SLC24A3: variants seen among roughly 807,000 people sequenced by gnomAD.
SLC24A3 encodes sodium/potassium/calcium exchanger 3.
A neutral mutation model predicts 75.8 loss-of-function variants in SLC24A3; 28 were observed. That is an observed-to-expected ratio of 0.37 (90% CI 0.27 to 0.51). The LOEUF (loss-of-function observed/expected upper bound fraction) is 0.51, where lower values mean the gene tolerates loss of function less well. Among genes scored for constraint, SLC24A3 ranks in the 20% least tolerant of loss-of-function variants. SLC24A3 has a pLI of 0.94. For missense variants in SLC24A3, 663 were observed against 847.8 expected (o/e 0.78, Z 2.71); for synonymous variants, 372 against 334.1 (o/e 1.11, Z -1.24).
chr20:19,487,734 A>T (rs1321840848), intron 2 of SLC24A3, among the ~76,000 whole-genome samples: 3 of 152,338 alleles, frequency 2.0e-5, no homozygotes, highest in Middle Eastern at 3.4e-3. Flanking sequence ...TCTGTATGCC[A>T]CGCTAATATC....
rs545248950 is a variant in SLC24A3, at chr20:19,510,993, G to T, written c.272-4495G>T. On this transcript the variant is annotated intron_variant, in intron 2 of 16. Transcript: ENST00000328041. ...TGCAGGGCTGAGCAGAAGTGTTGAA[G>T]GGTCAGTGCCTTTGGGACAGCCCTA... is the stretch of plus-strand genomic sequence containing the variant. Among the ~76,000 whole-genome samples the T allele has an allele frequency of 2.3e-4, 35 of 152,314 alleles. No individual in the cohort carries two copies. In the East Asian group the frequency reaches 6.6e-3, roughly 29 times the overall value.
chr20:19,468,087 G>A (rs1265287556), intron 2 of SLC24A3, among the ~76,000 whole-genome samples: 1 of 152,068 alleles, frequency 6.6e-6, no homozygotes, highest in Non-Finnish European at 1.5e-5. Context: ...AGTCTTAGAG[G>A]GAAGTTTTAG....
At chr20:19,224,230 A>G (rs1981815244) in intron 1 of SLC24A3, among the ~76,000 whole-genome samples, 1 of 152,174 alleles carries the variant, frequency 6.6e-6, no homozygotes, top group African/African-American at 2.4e-5. Flanking sequence ...TACAGATCCA[A>G]CACCACAAGG....
At chr20:19,236,801 C>G (rs568214954) in intron 1 of SLC24A3, among the ~76,000 whole-genome samples, 2 of 152,210 alleles carry the variant, frequency 1.3e-5, no homozygotes, top group East Asian at 3.9e-4. Context: ...TTAACATGAG[C>G]ACCAAGGGCA....
chr20:19,279,860 C>T (rs1045053466), intron 1 of SLC24A3, among the ~76,000 whole-genome samples: 1 of 152,220 alleles, frequency 6.6e-6, no homozygotes, highest in Non-Finnish European at 1.5e-5. Flanking sequence ...AGAAGCTGCA[C>T]TGTGCCAGCT....
At chr20:19,659,637 G>C (rs915415469) in intron 7 of SLC24A3, among the ~76,000 whole-genome samples, 3 of 152,224 alleles carry the variant, frequency 2.0e-5, no homozygotes, top group African/African-American at 4.8e-5. Flanking sequence ...CCACGTTAGA[G>C]ATGGCATCAC....
intron 2 of SLC24A3, among the ~76,000 whole-genome samples, chr20:19,338,095 C>T (rs1025647898): frequency 6.6e-6 from 1 of 152,184 alleles, no homozygotes; most frequent in African/African-American, 2.4e-5. Flanking sequence ...TTGTAATTAT[C>T]TATCACATTG....
chr20:19,305,733 C>A (rs1257876995), intron 2 of SLC24A3, among the ~76,000 whole-genome samples: 3 of 152,224 alleles, frequency 2.0e-5, no homozygotes, highest in African/African-American at 7.2e-5. Flanking sequence ...CCCATTCTTT[C>A]ACCATATACA....
intron 2 of SLC24A3, among the ~76,000 whole-genome samples, chr20:19,406,783 G>A (rs1396327529): frequency 6.6e-6 from 1 of 152,162 alleles, no homozygotes; most frequent in Non-Finnish European, 1.5e-5. Flanking sequence ...ATGAGACAGT[G>A]CCATGACCTT....
intron 6 of SLC24A3, among the ~76,000 whole-genome samples, chr20:19,634,500 C>A (rs1008860074): frequency 1.1e-4 from 16 of 152,204 alleles, no homozygotes; most frequent in Admixed American, 1.0e-3. Flanking sequence ...AATAATAATA[C>A]CTCAAAACCA....
At chr20:19,317,849 T>C in intron 2 of SLC24A3, among the ~76,000 whole-genome samples, 1 of 152,212 alleles carries the variant, frequency 6.6e-6, no homozygotes, top group East Asian at 1.9e-4. Context: ...GCTGGTATAG[T>C]AATAGCTGCA....
chr20:19,488,729 G>A (rs1321779909), intron 2 of SLC24A3, among the ~76,000 whole-genome samples: 1 of 152,138 alleles, frequency 6.6e-6, no homozygotes, highest in Non-Finnish European at 1.5e-5. Flanking sequence ...TACGTAATGA[G>A]ATATCTTGTG....
At chr20:19,459,034 A>C (rs1987626566) in intron 2 of SLC24A3, among the ~76,000 whole-genome samples, 1 of 152,170 alleles carries the variant, frequency 6.6e-6, no homozygotes, top group Admixed American at 6.5e-5. Flanking sequence ...TCCCCCCTCC[A>C]ACATGAGCCC....
At chr20:19,293,580 C>T (rs1037855239) in intron 2 of SLC24A3, among the ~76,000 whole-genome samples, 11 of 148,198 alleles carry the variant, frequency 7.4e-5, no homozygotes, top group Middle Eastern at 3.6e-3. Context: ...CACTTGAACC[C>T]GGGAGATGGA....
At chr20:19,344,749 T>C (rs1033327916) in intron 2 of SLC24A3, among the ~76,000 whole-genome samples, 1 of 152,196 alleles carries the variant, frequency 6.6e-6, no homozygotes, top group African/African-American at 2.4e-5. Context: ...CCAGCACTCC[T>C]GGCTTCTCCA....
intron 2 of SLC24A3, among the ~76,000 whole-genome samples, chr20:19,408,927 T>C (rs1986698288): frequency 1.3e-5 from 2 of 152,300 alleles, no homozygotes; most frequent in Middle Eastern, 3.4e-3. Context: ...TCGGGAAACA[T>C]TTATTGAGCT....
chr20:19,635,018 A>G (rs1189975543), intron 6 of SLC24A3, among the ~76,000 whole-genome samples: 2 of 152,218 alleles, frequency 1.3e-5, no homozygotes, highest in South Asian at 2.1e-4. Flanking sequence ...ATGCTATGTC[A>G]TAGACACAGC....
intron 4 of SLC24A3, 84 bp downstream of exon 4, chr20:19,580,158 G>A (rs1420305206): frequency 3.3e-6 from 4 of 1,213,818 alleles, no homozygotes; most frequent in Non-Finnish European, 4.7e-6. Context: ...CCTCACCAAA[G>A]TCCTGGGGAG....
At chr20:19,547,081 C>G (rs1297439556) in intron 3 of SLC24A3, among the ~76,000 whole-genome samples, 1 of 152,230 alleles carries the variant, frequency 6.6e-6, no homozygotes, top group African/African-American at 2.4e-5. Context: ...CTGCACTATT[C>G]CTGTGGTAGC....
Sources: gnomAD v4.1 joint callset for allele counts (sites outside exome capture counted in the v4.1 genomes callset) on GRCh38, gnomAD v4.1.1 for gene constraint, MANE v1.5 for transcripts, NCBI Gene and HGNC (gene_info 2026-07-23, HGNC 2026-07-21) for gene names.